FAM163A: variants seen among roughly 807,000 people sequenced by gnomAD.
The protein encoded by FAM163A is protein FAM163A.
In FAM163A, 7 loss-of-function variants were observed where a neutral mutation model predicts 12.0. The observed-to-expected ratio is 0.58, with a 90% CI of 0.33 to 1.10. The LOEUF (loss-of-function observed/expected upper bound fraction) is 1.10. FAM163A is among the 50% of genes least tolerant of loss of function. The probability of loss-of-function intolerance (pLI) is 0.03; values close to 1 mark genes in which losing one functional copy is unlikely to be tolerated. For synonymous variants in FAM163A, 101 were observed against 91.0 expected, an observed-to-expected ratio of 1.11 and a Z score of -0.62; for missense variants, 202 against 218.6, an observed-to-expected ratio of 0.92 and a Z score of 0.48.
chr1:179,762,039 C>T (rs538882586), intron 1 of FAM163A, among the ~76,000 whole-genome samples: 129 of 152,236 alleles, frequency 8.5e-4, no homozygotes, highest in African/African-American at 3.0e-3. Flanking sequence ...AAGGGTGCTG[C>T]TTAACGGCCA....
intron 1 of FAM163A, among the ~76,000 whole-genome samples, chr1:179,762,989 A>G (rs1687015285): frequency 6.6e-6 from 1 of 152,232 alleles, no homozygotes; most frequent in South Asian, 2.1e-4. Flanking sequence ...GTCAACATGT[A>G]TACTTCATCT....
At chr1:179,757,609 C>T (rs760925539) in intron 1 of FAM163A, among the ~76,000 whole-genome samples, 2 of 152,000 alleles carry the variant, frequency 1.3e-5, no homozygotes, top group South Asian at 2.1e-4. Context: ...CCCAGGAGTT[C>T]GAGACCAGAC....
Position 179,815,243 on chromosome 1 carries a change from C to G in FAM163A, c.*1054C>G, listed in dbSNP as rs1237248631. 6.6e-6 allele frequency: 1 copy of G among 152,280 alleles called. No individual in the cohort carries two copies. The highest frequency in any genetic ancestry group is 1.5e-5 in the Non-Finnish European group (1 of 68,170). The allele number at this position is 152,280 out of a possible 1,614,324, so 9.4% of individuals were successfully genotyped here. A position where few individuals can be genotyped will look rare whatever the true frequency, so the allele number is the denominator to read the frequency against. The stretch of plus-strand genomic sequence containing the variant: ...TACCAGAGAAGGAAAAGTCTGATCC[C>G]GAAACAGCTTGAACGAAAGGTGGTT... On this transcript the variant is annotated 3_prime_UTR_variant, in exon 5 of 5. Coordinates refer to ENST00000341785, the MANE Select transcript of FAM163A (RefSeq NM_173509.3).
chr1:179,745,370 T>C (rs1684325404), intron 1 of FAM163A, among the ~76,000 whole-genome samples: 1 of 152,190 alleles, frequency 6.6e-6, no homozygotes, highest in Non-Finnish European at 1.5e-5. Context: ...TAACTGGAAA[T>C]GACCCCGGCT....
At chr1:179,757,816 A>AAAC (rs1352971292) in intron 1 of FAM163A, among the ~76,000 whole-genome samples, 1 of 151,794 alleles carries the variant, frequency 6.6e-6, no homozygotes, top group Non-Finnish European at 1.5e-5. Flanking sequence ...TCTCAAAACA[A>AAAC]AACAAAACAA....
chr1:179,812,377 C>T (rs1191873766), intron 3 of FAM163A, among the ~76,000 whole-genome samples: 2 of 152,234 alleles, frequency 1.3e-5, no homozygotes, highest in Non-Finnish European at 2.9e-5. Context: ...GAATGCCACA[C>T]ACCACTCCCT....
At chr1:179,787,320 A>G (rs1036492565) in intron 1 of FAM163A, among the ~76,000 whole-genome samples, 2 of 152,202 alleles carry the variant, frequency 1.3e-5, no homozygotes, top group African/African-American at 4.8e-5. Flanking sequence ...TAAAATGCAC[A>G]TCAATGATAG....
intron 1 of FAM163A, among the ~76,000 whole-genome samples, chr1:179,743,895 G>A (rs1233457312): frequency 1.3e-5 from 2 of 152,142 alleles, no homozygotes; most frequent in Non-Finnish European, 1.5e-5. Flanking sequence ...CCTCGCGCCC[G>A]CCGCCACCCG....
intron 3 of FAM163A, among the ~76,000 whole-genome samples, chr1:179,812,870 G>A (rs2148381513): frequency 6.6e-6 from 1 of 152,282 alleles, no homozygotes; most frequent in Non-Finnish European, 1.5e-5. Context: ...TTGAAACTGG[G>A]TACTCAACTT....
rs1346194870 is a variant in FAM163A, at chr1:179,814,073, A to C, written c.388A>C (p.Lys130Gln). Residue 130 changes from lysine to glutamine, a missense_variant, in exon 5 of 5, where the codon AAA becomes CAA. Physicochemically the swap from Lys to Gln is moderately conservative, Grantham distance 53. Transcript: ENST00000341785. ...GCTCTCCTTTGCTCCCACATACTAC[A>C]AAGAGGGGGGACCCCCATCCCTCAA... is the stretch of plus-strand genomic sequence containing the variant. The part of the protein sequence containing the change: ...ERLSFAPTYY[K>Q]EGGPPSLKLA... 6.2e-7 allele frequency: 1 copy of C among 1,614,082 alleles called. No individual in the cohort carries two copies. The highest frequency in any genetic ancestry group is 2.2e-5 in the East Asian group (1 of 44,868).
At chr1:179,783,782 T>A (rs28690718) in intron 1 of FAM163A, among the ~76,000 whole-genome samples, 21 of 139,718 alleles carry the variant, frequency 1.5e-4, no homozygotes, top group African/African-American at 5.6e-4. Context: ...ATATATATAT[T>A]ATATAATTTA....
chr1:179,728,120 C>T, the FAM163A span, among the ~76,000 whole-genome samples: 1 of 152,140 alleles, frequency 6.6e-6, no homozygotes, highest in Non-Finnish European at 1.5e-5. Flanking sequence ...ATGCTGAGCC[C>T]AGTGCCTGTC....
Position 179,814,309 on chromosome 1 carries a change from C to T in FAM163A, c.*120C>T, listed in dbSNP as rs1695109148. The T allele has an allele frequency of 2.3e-6, 3 of 1,317,650 alleles. No homozygotes were observed. The South Asian group carries it at 4.3e-5, about 19-fold the overall frequency. The allele number at this position is 1,317,650 out of a possible 1,614,324, so 81.6% of individuals were successfully genotyped here. On this transcript the variant is annotated 3_prime_UTR_variant, in exon 5 of 5. Coordinates refer to ENST00000341785, the MANE Select transcript of FAM163A (RefSeq NM_173509.3). ...GTTTCTGTTTCTTTGGCTTTTCTCG[C>T]TCCGCAGTGGAGGGTTTACTAGGAT...
At chr1:179,805,175 A>T (rs1693750592) in intron 1 of FAM163A, among the ~76,000 whole-genome samples, 1 of 152,188 alleles carries the variant, frequency 6.6e-6, no homozygotes, top group South Asian at 2.1e-4. Flanking sequence ...GTCTTCGGTG[A>T]TAGCCTTATA....
chr1:179,812,563 G>A (rs1232907743), intron 3 of FAM163A, among the ~76,000 whole-genome samples: 1 of 152,234 alleles, frequency 6.6e-6, no homozygotes, highest in Non-Finnish European at 1.5e-5. Context: ...CAAGAGGGCG[G>A]GGATCAAGAG....
In FAM163A at chr1:179,765,881, T is replaced by A. The variant is rs557067986; in HGVS notation, c.-136+22458T>A. Among the ~76,000 whole-genome samples the A allele has an allele frequency of 2.0e-4, 30 of 152,122 alleles. 1 individual carries two copies. In the South Asian group the frequency reaches 6.2e-3, roughly 32 times the overall value. On this transcript the variant is annotated intron_variant, in intron 1 of 4. Coordinates refer to ENST00000341785, the MANE Select transcript of FAM163A (RefSeq NM_173509.3). ...AATGGCTGGCCTGAAATGACAGAAG[T>A]CCCCAAAGCTGGGCCTCCAGGCTCC...
At chr1:179,805,110 TC>T (rs1314440784) in intron 1 of FAM163A, among the ~76,000 whole-genome samples, 6 of 152,324 alleles carry the variant, frequency 3.9e-5, no homozygotes, top group African/African-American at 1.4e-4. Flanking sequence ...GTGGGAGAAA[TC>T]TTCCCCTGCC....
intron 1 of FAM163A, among the ~76,000 whole-genome samples, chr1:179,786,337 G>T (rs1219325630): frequency 6.6e-6 from 1 of 152,176 alleles, no homozygotes; most frequent in Admixed American, 6.5e-5. Context: ...TCTCCCCAGG[G>T]TAGATTCAGA....
intron 1 of FAM163A, among the ~76,000 whole-genome samples, chr1:179,761,370 T>C (rs1686792676): frequency 6.6e-6 from 1 of 152,260 alleles, no homozygotes; most frequent in Non-Finnish European, 1.5e-5. Context: ...CAAGAGCGAT[T>C]GACCTCTGGC....
Sources: gnomAD v4.1 joint callset for allele counts (sites outside exome capture counted in the v4.1 genomes callset) on GRCh38, gnomAD v4.1.1 for gene constraint, MANE v1.5 for transcripts, NCBI Gene and HGNC (gene_info 2026-07-23, HGNC 2026-07-21) for gene names.